Variants in ZNF518A observed in about 807,000 individuals in gnomAD.
The protein encoded by ZNF518A is zinc finger protein 518A.
In ZNF518A, 47 loss-of-function variants were observed where a neutral mutation model predicts 102.7. That is an observed-to-expected ratio of 0.46 (90% CI 0.36 to 0.58). The LOEUF is 0.58. Ranked by LOEUF, ZNF518A falls within the 20% of genes least tolerant of loss-of-function variation. ZNF518A has a pLI of 0.00. For synonymous variants in ZNF518A, 652 were observed against 594.6 expected (o/e 1.10, Z -1.40); for missense variants, 1,793 against 1,699.8 (o/e 1.05, Z -0.96).
At chr10:96,154,820 A>G (rs898219880) in intron 3 of ZNF518A, among the ~76,000 whole-genome samples, 2 of 152,210 alleles carry the variant, frequency 1.3e-5, no homozygotes, top group Non-Finnish European at 2.9e-5. Context: ...TAGTCATGGC[A>G]TGTAAAACAA....
Position 96,150,256 on chromosome 10 carries a change from C to G in ZNF518A, c.-301-5070C>G, listed in dbSNP as rs587663850. On this transcript the variant is annotated intron_variant, in intron 3 of 5. Transcript: ENST00000316045. ...GGCTGAGGCAGGAGAATGGTGTGAA[C>G]CTGGGAGGCGGAGCTTGCAGTGAGC... Among the ~76,000 whole-genome samples, 8 of 150,836 alleles carry G rather than the reference C, an allele frequency of 5.3e-5. No homozygotes were observed. The South Asian group carries it at 1.3e-3, about 24-fold the overall frequency.
rs1250539199 is a variant in ZNF518A, at chr10:96,162,508, T to G, written c.*1734T>G. 1 of 166,942 alleles carries G rather than the reference T, an allele frequency of 6.0e-6. No individual in the cohort carries two copies. The highest frequency in any genetic ancestry group is 1.5e-5 in the Non-Finnish European group (1 of 68,030). 10.3% of individuals were successfully genotyped at this position (166,942 alleles called of 1,614,324 possible). A position where few individuals can be genotyped will look rare whatever the true frequency, so the allele number is the denominator to read the frequency against. ...CATACATAGAATGCTTCAAGCTATC[T>G]TGCTATGCACATTATACTTGTACTG... On this transcript the variant is annotated 3_prime_UTR_variant, in exon 6 of 6. Coordinates refer to ENST00000316045, the MANE Select transcript of ZNF518A (RefSeq NM_001330736.2).
rs2082728217 is a variant in ZNF518A, at chr10:96,157,067, C to T, written c.745C>T (p.Leu249Phe). Residue 249 changes from leucine (L) to phenylalanine (F), a missense_variant, in exon 6 of 6, where the codon CTT (leucine) becomes TTT (phenylalanine). Physicochemically the swap from Leu to Phe is conservative, Grantham distance 22. Coordinates refer to ENST00000316045, the MANE Select transcript of ZNF518A (RefSeq NM_001330736.2). ...CHHVCFTKGELQKHLHIHSGT... is the reference protein window; with the variant it reads ...CHHVCFTKGEFQKHLHIHSGT... ...TCATGTATGTTTTACCAAAGGAGAG[C>T]TTCAGAAGCACCTTCATATTCATTC... The T allele has an allele frequency of 6.2e-7, 1 of 1,613,414 alleles. No homozygotes were observed. Among genetic ancestry groups the T allele is most frequent in the South Asian group, 1.1e-5 (1 of 90,966 alleles).
chr10:96,171,741 A>T (rs1461997740), intron 1 of ZNF518A, among the ~76,000 whole-genome samples: 1 of 152,120 alleles, frequency 6.6e-6, no homozygotes, highest in East Asian at 1.9e-4. Flanking sequence ...GTAATGAAAA[A>T]TTTTTTAAGT....
chr10:96,198,957 C>G (rs1287666067), intron 1 of ZNF518A, among the ~76,000 whole-genome samples: 1 of 152,196 alleles, frequency 6.6e-6, no homozygotes, highest in Non-Finnish European at 1.5e-5. Context: ...CCTCGGCCCC[C>G]CAAAGTGCTA....
At chr10:96,146,287 T>C (rs76473947) in intron 3 of ZNF518A, among the ~76,000 whole-genome samples, 7,750 of 152,308 alleles carry the variant, frequency 0.051, 274 homozygotes, top group Middle Eastern at 0.085. Flanking sequence ...TTTCTGATTA[T>C]TAGCTTTAGG....
At chr10:96,146,914 G>A (rs1403226588) in intron 3 of ZNF518A, among the ~76,000 whole-genome samples, 3 of 152,162 alleles carry the variant, frequency 2.0e-5, no homozygotes, top group African/African-American at 7.2e-5. Context: ...GAGAAGTTAA[G>A]GTAACAGCAT....
At position 96,157,987 on chromosome 10, in the gene ZNF518A, A is replaced by G. The variant is rs782165973; in HGVS notation, c.1665A>G (p.Ala555=). The G allele has an allele frequency of 3.1e-5, 50 of 1,613,730 alleles. No individual in the cohort carries two copies. The highest frequency in any genetic ancestry group is 4.1e-5 in the Non-Finnish European group (48 of 1,179,808). The stretch of plus-strand genomic sequence containing the variant: ...AGAAAAGTGTATCTTCTTTGTCAGC[A>G]ACATCAGAATTGGTTACAGCATCAG... ...DYEKSVSSLS[A]TSELVTASVN... Residue 555 remains alanine, a synonymous_variant, in exon 6 of 6, where the codon GCA becomes GCG. Coordinates refer to ENST00000316045, the MANE Select transcript of ZNF518A (RefSeq NM_001330736.2).
intron 3 of ZNF518A, among the ~76,000 whole-genome samples, chr10:96,137,615 T>G (rs1420676843): frequency 1.3e-5 from 2 of 152,252 alleles, no homozygotes; most frequent in African/African-American, 4.8e-5. Flanking sequence ...ATTCTTGATT[T>G]ACCTTAACTC....
intron 1 of ZNF518A, among the ~76,000 whole-genome samples, chr10:96,178,987 A>C (rs1344298476): frequency 6.6e-6 from 1 of 152,122 alleles, no homozygotes; most frequent in East Asian, 1.9e-4. Context: ...TGTATTAGGA[A>C]TAAATAATAT....
chr10:96,192,286 C>T lies in ZNF518A; in HGVS notation n.36-11288C>T, dbSNP rs11188657. 0.03 allele frequency among the ~76,000 whole-genome samples: 4,636 copies of T among 152,056 alleles called. 759 individuals are homozygous for T. The East Asian group carries it at 0.49, about 16-fold the overall frequency. Reference sequence around the variant, plus strand: ...ACCTTGGACTTTGCTGTATTAAGTACGAAGAAAAACACACTGACAGCCTCA... The same window carrying T: ...ACCTTGGACTTTGCTGTATTAAGTATGAAGAAAAACACACTGACAGCCTCA... On this transcript the variant is annotated intron_variant and non_coding_transcript_variant, in intron 1 of 2. Transcript: ENST00000442635.
rs782690300 is a variant in ZNF518A, at chr10:96,157,994, G to A, written c.1672G>A (p.Glu558Lys). 5.6e-6 allele frequency: 9 copies of A among 1,613,632 alleles called. No individual in the cohort carries two copies. In the East Asian group the frequency reaches 1.6e-4, roughly 28 times the overall value. ...KSVSSLSATS[E>K]LVTASVNLTT... is the part of the protein sequence containing the mutation. Reference sequence around the variant, plus strand: ...TGTATCTTCTTTGTCAGCAACATCAGAATTGGTTACAGCATCAGTGAATTT... The same window carrying A: ...TGTATCTTCTTTGTCAGCAACATCAAAATTGGTTACAGCATCAGTGAATTT... Residue 558 changes from glutamate to lysine, a missense_variant, in exon 6 of 6, where the codon GAA becomes AAA. Glu to Lys is a moderately conservative substitution (Grantham distance 56). This residue lies in a region of ZNF518A where 1,741 missense variants were observed against 1,622.6 expected (regional missense o/e 1.07). Coordinates refer to ENST00000316045, the MANE Select transcript of ZNF518A (RefSeq NM_001330736.2).
At chr10:96,180,344 C>T (rs746117393) in intron 1 of ZNF518A, among the ~76,000 whole-genome samples, 2 of 151,358 alleles carry the variant, frequency 1.3e-5, no homozygotes, top group African/African-American at 2.4e-5. Flanking sequence ...ACAATTTTTT[C>T]ATCTTTTTTT....
At chr10:96,142,805 CTT>C (rs782256155) in intron 3 of ZNF518A, among the ~76,000 whole-genome samples, 32 of 137,478 alleles carry the variant, frequency 2.3e-4, no homozygotes, top group Admixed American at 2.9e-4. Flanking sequence ...TGTGTGATTT[CTT>C]TTTTTTTTTT....
chr10:96,145,018 CATATT>C (rs1329009165), intron 3 of ZNF518A, among the ~76,000 whole-genome samples: 4 of 152,004 alleles, frequency 2.6e-5, no homozygotes, highest in Admixed American at 6.6e-5. Context: ...GATCAGGAAA[CATATT>C]AGTTGAATAC....
At chr10:96,152,463 C>T (rs1038689404) in intron 3 of ZNF518A, among the ~76,000 whole-genome samples, 8 of 152,152 alleles carry the variant, frequency 5.3e-5, no homozygotes, top group African/African-American at 1.9e-4. Context: ...CATTTTTTGT[C>T]CATACGTGGC....
chr10:96,148,554 A>C (rs1169671760), intron 3 of ZNF518A, among the ~76,000 whole-genome samples: 1 of 38 alleles, frequency 0.026, no homozygotes, highest in African/African-American at 0.071. Flanking sequence ...CAGACTGTCC[A>C]GTAATCCTCT....
intron 3 of ZNF518A, among the ~76,000 whole-genome samples, chr10:96,143,257 A>G (rs1406083519): frequency 6.6e-6 from 1 of 151,966 alleles, no homozygotes; most frequent in Non-Finnish European, 1.5e-5. Flanking sequence ...TAATATTTCT[A>G]ATGTACTGCT....
intron 1 of ZNF518A, among the ~76,000 whole-genome samples, chr10:96,184,187 A>G (rs2133895481): frequency 6.6e-6 from 1 of 152,122 alleles, no homozygotes; most frequent in East Asian, 1.9e-4. Context: ...TTTTGAGCCT[A>G]TGTGTGTCTC....
Sources: gnomAD v4.1 joint callset for allele counts (sites outside exome capture counted in the v4.1 genomes callset) on GRCh38, gnomAD v4.1.1 for gene constraint, gnomAD v4.1.1 regional missense constraint, MANE v1.5 for transcripts, NCBI Gene and HGNC (gene_info 2026-07-23, HGNC 2026-07-21) for gene names.